The following TEX11 variants were observed in gnomAD, a reference collection of about 807,000 sequenced individuals.
TEX11 encodes the protein testis expressed 11, also known as testis-expressed protein 11.
Under a neutral mutation model 84.4 loss-of-function variants are expected in TEX11, and 7 were observed. The ratio of observed to expected loss-of-function variants is 0.08; its 90% confidence interval spans 0.05 to 0.16. The LOEUF (loss-of-function observed/expected upper bound fraction) is 0.16. Ranked by LOEUF, TEX11 falls within the 10% of genes least tolerant of loss-of-function variation. The pLI, the probability that TEX11 is intolerant of heterozygous loss-of-function variation, is 1.00. For missense variants in TEX11, 551 were observed against 660.5 expected, an observed-to-expected ratio of 0.83 and a Z score of 1.82; for synonymous variants, 264 against 222.8, an observed-to-expected ratio of 1.18 and a Z score of -1.64.
chrX:70,726,312 CCCCAGA>C (rs1482333940), intron 11 of TEX11, among the ~76,000 whole-genome samples: 1 of 111,573 alleles, frequency 9.0e-6, no homozygotes, highest in Non-Finnish European at 1.9e-5. Context: ...TACCAAACAA[CCCCAGA>C]TAATGGACAT....
chrX:70,841,912 C>T (rs1186614504), intron 7 of TEX11, among the ~76,000 whole-genome samples: 4 of 111,401 alleles, frequency 3.6e-5, no homozygotes, highest in Admixed American at 1.9e-4. Flanking sequence ...ACACATACAC[C>T]CTCCCAAGAC....
At chrX:70,868,383 C>A (rs1352931897) in intron 4 of TEX11, among the ~76,000 whole-genome samples, 1 of 111,762 alleles carries the variant, frequency 8.9e-6, no homozygotes, top group Non-Finnish European at 1.9e-5. Context: ...ACAAGAGATG[C>A]TGGTGAGGAT....
At chrX:70,572,640 G>C (rs1194306463) in intron 25 of TEX11, among the ~76,000 whole-genome samples, 1 of 110,456 alleles carries the variant, frequency 9.1e-6, no homozygotes. Flanking sequence ...AGTAAATGTG[G>C]CACATGTACA....
chrX:70,743,964 C>A (rs2090751412), intron 10 of TEX11, among the ~76,000 whole-genome samples: 1 of 108,667 alleles, frequency 9.2e-6, no homozygotes, highest in South Asian at 4.0e-4. Context: ...AAGCACTCTA[C>A]ATATATTAAT....
intron 9 of TEX11, among the ~76,000 whole-genome samples, chrX:70,760,100 C>G (rs1235588806): frequency 9.0e-6 from 1 of 111,321 alleles, no homozygotes; most frequent in Non-Finnish European, 1.9e-5. Flanking sequence ...AACCACTGCT[C>G]AAGGAAATAA....
chrX:70,593,860 AT>A (rs1358115327), intron 24 of TEX11, among the ~76,000 whole-genome samples: 1 of 111,748 alleles, frequency 8.9e-6, no homozygotes. Context: ...AAGAAAAAAA[AT>A]AAACCAAGCC....
At chrX:70,547,861 C>T (rs771766196) in intron 28 of TEX11, among the ~76,000 whole-genome samples, 26 of 111,997 alleles carry the variant, frequency 2.3e-4, no homozygotes, top group African/African-American at 7.5e-4. Flanking sequence ...GTCAGTGTGG[C>T]AATTCCTCAG....
chrX:70,892,122 C>A (rs912956455), intron 2 of TEX11, among the ~76,000 whole-genome samples: 4 of 110,923 alleles, frequency 3.6e-5, no homozygotes, highest in Admixed American at 1.9e-4. Flanking sequence ...AATTTCATAT[C>A]CAGCCAAAAT....
chrX:70,665,434 A>C (rs944820144), intron 16 of TEX11, among the ~76,000 whole-genome samples: 3 of 111,806 alleles, frequency 2.7e-5, no homozygotes, highest in Non-Finnish European at 5.7e-5. Context: ...AAATCCTCAA[A>C]AATAATATAG....
At chrX:70,589,773 C>T (rs1213479398) in intron 25 of TEX11, among the ~76,000 whole-genome samples, 8 of 111,763 alleles carry the variant, frequency 7.2e-5, no homozygotes, top group African/African-American at 9.8e-5. Context: ...CCACCCACCT[C>T]GGCCTCCCAA....
intron 25 of TEX11, among the ~76,000 whole-genome samples, chrX:70,568,222 C>G (rs1053968173): frequency 9.0e-6 from 1 of 111,128 alleles, no homozygotes; most frequent in African/African-American, 3.3e-5. Flanking sequence ...AGAATAGGAT[C>G]GCAACCCCTG....
intron 7 of TEX11, among the ~76,000 whole-genome samples, chrX:70,849,798 T>C (rs961754479): frequency 8.9e-6 from 1 of 112,203 alleles, no homozygotes; most frequent in African/African-American, 3.2e-5. Flanking sequence ...TTACTGATTA[T>C]AACAACTAAC....
intron 7 of TEX11, among the ~76,000 whole-genome samples, chrX:70,842,784 T>A (rs1331926972): frequency 8.9e-6 from 1 of 111,773 alleles, no homozygotes; most frequent in Non-Finnish European, 1.9e-5. Flanking sequence ...TTCAGCAAAG[T>A]CTCCGGACAC....
chrX:70,533,500 G>A (rs1333028532), intron 28 of TEX11, among the ~76,000 whole-genome samples: 1 of 111,376 alleles, frequency 9.0e-6, no homozygotes, highest in African/African-American at 3.3e-5. Flanking sequence ...GTGGTAAGAG[G>A]GAAAAGAACG....
rs753720165 is a variant in TEX11, at chrX:70,744,239, A to ATAT, written c.693-21_693-20insATA. The ATAT allele has an allele frequency of 1.5e-6, 1 of 661,961 alleles. No homozygotes were observed. 54.6% of individuals were successfully genotyped at this position (661,961 alleles called of 1,213,427 possible). A position where few individuals can be genotyped will look rare whatever the true frequency, so the allele number is the denominator to read the frequency against. On this transcript the variant is annotated intron_variant, in intron 9 of 29. Transcript: ENST00000374333. Reference sequence around the variant, plus strand: ...CTTTGGCTATCATTAAAAAGGAAAAAAAATATATATATATATATAAACATA... The same window carrying ATAT: ...CTTTGGCTATCATTAAAAAGGAAAAATATAAATATATATATATATATAAACATA...
intron 15 of TEX11, among the ~76,000 whole-genome samples, chrX:70,676,432 T>C (rs1215293993): frequency 8.9e-6 from 1 of 112,416 alleles, no homozygotes; most frequent in Non-Finnish European, 1.9e-5. Flanking sequence ...TCCACTGAGT[T>C]CTTGCTTGCA....
chrX:70,712,276 C>CTT (rs756091304), intron 13 of TEX11, among the ~76,000 whole-genome samples: 1 of 111,402 alleles, frequency 9.0e-6, no homozygotes, highest in East Asian at 2.8e-4. Context: ...AATGTGGGCT[C>CTT]TTTTTTGGTT....
intron 9 of TEX11, among the ~76,000 whole-genome samples, chrX:70,796,665 T>TA (rs1480111520): frequency 2.7e-5 from 3 of 111,720 alleles, no homozygotes; most frequent in Non-Finnish European, 3.8e-5. Flanking sequence ...ATCAACAGAG[T>TA]AAACAGACAA....
At chrX:70,653,628 T>C (rs1017731740) in intron 16 of TEX11, among the ~76,000 whole-genome samples, 8 of 111,791 alleles carry the variant, frequency 7.2e-5, no homozygotes, top group African/African-American at 2.6e-4. Context: ...TGGAAGACAG[T>C]TTGGCAGTTT....
Sources: allele counts gnomAD v4.1 joint callset (sites outside exome capture counted in the v4.1 genomes callset), GRCh38; gene constraint gnomAD v4.1.1; transcripts MANE v1.5; gene names NCBI Gene and HGNC (gene_info 2026-07-23, HGNC 2026-07-21).